The following ERO1B variants were observed in gnomAD, a reference collection of about 807,000 sequenced individuals.
ERO1B encodes endoplasmic reticulum oxidoreductase 1 beta.
ERO1B carries 49 observed loss-of-function variants against 75.3 expected under a neutral mutation model. The ratio of observed to expected loss-of-function variants is 0.65; its 90% CI spans 0.52 to 0.83. The LOEUF (loss-of-function observed/expected upper bound fraction) is 0.83. ERO1B is among the 40% of genes least tolerant of loss of function. The pLI is 0.00. For synonymous variants in ERO1B, 191 were observed against 192.9 expected, an observed-to-expected ratio of 0.99 and a Z score of 0.08; for missense variants, 512 against 560.1, an observed-to-expected ratio of 0.91 and a Z score of 0.87.
At chr1:236,273,595 CAGG>C (rs1012799354) in intron 1 of ERO1B, among the ~76,000 whole-genome samples, 2 of 151,960 alleles carry the variant, frequency 1.3e-5, no homozygotes, top group African/African-American at 4.8e-5. Flanking sequence ...GAGGCGGACA[CAGG>C]AGAATTGAGT....
chr1:236,251,403 T>C (rs1402016210), intron 4 of ERO1B: 2 of 763,128 alleles, frequency 2.6e-6, no homozygotes, highest in Non-Finnish European at 3.2e-6. Flanking sequence ...TCAACTGCTT[T>C]TATATGGTTT....
intron 4 of ERO1B, 148 bp downstream of exon 4, chr1:236,251,902 G>GC: frequency 1.7e-6 from 1 of 599,872 alleles, no homozygotes; most frequent in South Asian, 2.4e-5. Context: ...TCTGCTTGAC[G>GC]CAAGAGTTAG....
At chr1:236,252,959 G>T (rs925263595) in intron 3 of ERO1B, among the ~76,000 whole-genome samples, 35 of 151,110 alleles carry the variant, frequency 2.3e-4, no homozygotes, top group South Asian at 1.9e-3. Flanking sequence ...TTAAGTATAG[G>T]TTTTTTTTTA....
Position 236,249,947 on chromosome 1 carries a change from A to G in ERO1B, c.369T>C (p.Asn123=), listed in dbSNP as rs972493056. Residue 123 remains asparagine (N), a synonymous_variant, in exon 5 of 16, where the codon AAT becomes AAC. Transcript: ENST00000354619. ...GCTCACAATCTTCTAATTCTTTGGT[A>G]TTGTTTGCCATTTTCAAGTACTGCA... The part of the protein sequence containing the change: ...HSNKYLKMAN[N]TKELEDCEQA... 1.6e-5 allele frequency: 26 copies of G among 1,601,328 alleles called. No homozygotes were observed. Among genetic ancestry groups the G allele is most frequent in the Non-Finnish European group, 2.2e-5 (26 of 1,175,202 alleles).
intron 5 of ERO1B, among the ~76,000 whole-genome samples, chr1:236,246,375 T>C (rs567184148): frequency 8.6e-4 from 131 of 152,012 alleles, no homozygotes; most frequent in Non-Finnish European, 1.7e-3. Context: ...ATCTCACTTG[T>C]TGGCCAGGCT....
chr1:236,223,895 T>G (rs1664217722), intron 13 of ERO1B, among the ~76,000 whole-genome samples: 1 of 152,188 alleles, frequency 6.6e-6, no homozygotes, highest in Non-Finnish European at 1.5e-5. Flanking sequence ...TAGTTGTGAC[T>G]AAATTACTTA....
Position 236,215,847 on chromosome 1 carries a change from T to C in ERO1B, c.*2669A>G, listed in dbSNP as rs1390084788. 6.6e-6 allele frequency: 1 copy of C among 152,150 alleles called. No homozygotes were observed. The highest frequency in any genetic ancestry group is 1.5e-5 in the Non-Finnish European group (1 of 68,018). 9.4% of individuals were successfully genotyped at this position (152,150 alleles called of 1,614,324 possible). A position where few individuals can be genotyped will look rare whatever the true frequency, so the allele number is the denominator to read the frequency against. ...CAGCTGAAGGCAATGCTGATGAAGA[T>C]CAAAATAGCTGTCCTTTCTTATATA... On this transcript the variant is annotated 3_prime_UTR_variant, in exon 16 of 16. Coordinates refer to ENST00000354619, the MANE Select transcript of ERO1B (RefSeq NM_019891.4).
At chr1:236,246,765 T>A (rs1421435437) in intron 5 of ERO1B, among the ~76,000 whole-genome samples, 1 of 152,172 alleles carries the variant, frequency 6.6e-6, no homozygotes, top group East Asian at 1.9e-4. Context: ...CACATGGTAA[T>A]CTGGACAGCA....
In ERO1B at chr1:236,226,302, T is replaced by G; in HGVS notation, c.1019A>C (p.Lys340Thr). 6.2e-7 allele frequency: 1 copy of G among 1,614,052 alleles called. No homozygotes were observed. The highest frequency in any genetic ancestry group is 8.5e-7 in the Non-Finnish European group (1 of 1,179,970). The stretch of plus-strand genomic sequence containing the variant: ...TTGAAAGATATTCAGTAGAAGAGTT[T>G]TTGTGTCAGCATCTTCTTCTGCATT... ...TGNAEEDADT[K>T]TLLLNIFQDT... The change falls in exon 12 of 16, where the codon AAA (lysine) becomes ACA (threonine). Residue 340 changes from lysine (K) to threonine (T), a missense_variant. Coordinates refer to ENST00000354619, the MANE Select transcript of ERO1B (RefSeq NM_019891.4).
intron 10 of ERO1B, among the ~76,000 whole-genome samples, chr1:236,229,600 C>T (rs1463968777): frequency 6.6e-6 from 1 of 152,056 alleles, no homozygotes; most frequent in African/African-American, 2.4e-5. Flanking sequence ...ATTTCATATA[C>T]TAATGGCAAT....
chr1:236,255,197 G>C (rs1665133254), intron 2 of ERO1B, among the ~76,000 whole-genome samples: 1 of 151,740 alleles, frequency 6.6e-6, no homozygotes, highest in Non-Finnish European at 1.5e-5. Context: ...CAGACTCCCA[G>C]TGTTAAGATT....
chr1:236,265,267 C>A (rs1313362016), intron 2 of ERO1B, among the ~76,000 whole-genome samples: 1 of 151,976 alleles, frequency 6.6e-6, no homozygotes, highest in Non-Finnish European at 1.5e-5. Flanking sequence ...ATACATCATT[C>A]TTATTATTTT....
intron 2 of ERO1B, among the ~76,000 whole-genome samples, chr1:236,258,149 C>CAGAAAAAAAAAAAAAA (rs71559929): frequency 4.1e-5 from 4 of 96,572 alleles, no homozygotes; most frequent in African/African-American, 1.9e-4. Flanking sequence ...AAAAACAAAG[C>CAGAAAAAAAAAAAAAA]AAAAAAAAAA....
intron 12 of ERO1B, 104 bp from the exon 13 acceptor site, chr1:236,225,243 T>C: frequency 1.9e-6 from 2 of 1,068,070 alleles, no homozygotes; most frequent in Non-Finnish European, 2.8e-6. Flanking sequence ...TTAAAATTCA[T>C]TATTTACTCC....
At chr1:236,265,178 G>C (rs994818689) in intron 2 of ERO1B, among the ~76,000 whole-genome samples, 6 of 151,892 alleles carry the variant, frequency 4.0e-5, no homozygotes, top group African/African-American at 1.5e-4. Flanking sequence ...ACCTAAGTGA[G>C]AATTCCTCTA....
Position 236,215,636 on chromosome 1 carries a change from C to T in ERO1B, c.*2880G>A, listed in dbSNP as rs1270366775. 1 of 152,186 alleles carries T rather than the reference C, an allele frequency of 6.6e-6. No individual in the cohort carries two copies. Among genetic ancestry groups the T allele is most frequent in the East Asian group, 1.9e-4 (1 of 5,200 alleles). 9.4% of individuals were successfully genotyped at this position (152,186 alleles called of 1,614,324 possible). Reference sequence around the variant, plus strand: ...AATTATTTGGAATTCTGTTCAAAATCAAAGCTGCACCTGTAGATATTCCTT... The same window carrying T: ...AATTATTTGGAATTCTGTTCAAAATTAAAGCTGCACCTGTAGATATTCCTT... On this transcript the variant is annotated 3_prime_UTR_variant, in exon 16 of 16. Transcript: ENST00000354619.
At chr1:236,239,477 G>C (rs868354750) in intron 6 of ERO1B, among the ~76,000 whole-genome samples, 1 of 152,140 alleles carries the variant, frequency 6.6e-6, no homozygotes, top group South Asian at 2.1e-4. Context: ...AATTTCATGG[G>C]ACATCCAGAG....
rs753006144 is a variant in ERO1B at position 236,235,763 on chromosome 1, T to C, written c.673+26A>G. ...GACATTTTATAAACAATGAAAAGCA[T>C]GAAAATGTACATATGAAAAACCTAC... On this transcript the variant is annotated intron_variant, in intron 8 of 15. Coordinates refer to ENST00000354619, the MANE Select transcript of ERO1B (RefSeq NM_019891.4). 1.9e-6 allele frequency: 3 copies of C among 1,585,556 alleles called. No homozygotes were observed. In the South Asian group the frequency reaches 3.5e-5, roughly 18 times the overall value.
Position 236,279,511 on chromosome 1 carries a change from A to AAAAAAAAAAAAC in ERO1B, c.102+2170_102+2171insGTTTTTTTTTTT, listed in dbSNP as rs1165192041. Among the ~76,000 whole-genome samples, 8 of 145,942 alleles carry AAAAAAAAAAAAC rather than the reference A, an allele frequency of 5.5e-5. 1 individual carries two copies. Among genetic ancestry groups the AAAAAAAAAAAAC allele is most frequent in the Non-Finnish European group, 1.1e-4 (7 of 65,916 alleles). Reference sequence around the variant, plus strand: ...CAGAGCGAGACTCCATCTCAAAAAAAAAAAAAAAACAGCACAGTAGAAAGT... The same window carrying AAAAAAAAAAAAC: ...CAGAGCGAGACTCCATCTCAAAAAAAAAAAAAAAAAACAAAAAAAAACAGCACAGTAGAAAGT... On this transcript the variant is annotated intron_variant, in intron 1 of 15. Transcript: ENST00000354619.
Sources: allele counts gnomAD v4.1 joint callset (sites outside exome capture counted in the v4.1 genomes callset), GRCh38; gene constraint gnomAD v4.1.1; transcripts MANE v1.5; gene names NCBI Gene and HGNC (gene_info 2026-07-23, HGNC 2026-07-21).